Variants in ICA1 observed in about 807,000 individuals in gnomAD.
ICA1 encodes islet cell autoantigen 1.
ICA1 carries 40 observed loss-of-function variants against 71.0 expected under a neutral mutation model. The ratio of observed to expected loss-of-function variants is 0.56; its 90% CI spans 0.44 to 0.73. ICA1 has a LOEUF of 0.73. Among genes scored for constraint, ICA1 ranks in the 30% least tolerant of loss-of-function variants. ICA1 has a pLI of 0.00. For synonymous variants in ICA1, 207 were observed against 209.5 expected, an observed-to-expected ratio of 0.99 and a Z score of 0.10; for missense variants, 578 against 576.5, an observed-to-expected ratio of 1.00 and a Z score of -0.03.
chr7:8,240,653 T>A (rs2128486026), intron 1 of ICA1, among the ~76,000 whole-genome samples: 1 of 152,102 alleles, frequency 6.6e-6, no homozygotes, highest in Non-Finnish European at 1.5e-5. Context: ...GCAAGGAAGC[T>A]AAAAACCTTG....
At chr7:8,183,361 T>C (rs938208716) in intron 6 of ICA1, among the ~76,000 whole-genome samples, 4 of 152,196 alleles carry the variant, frequency 2.6e-5, no homozygotes, top group Non-Finnish European at 4.4e-5. Context: ...TGTGGTCCTA[T>C]CGCAAAGCCT....
intron 8 of ICA1, among the ~76,000 whole-genome samples, chr7:8,148,227 C>T (rs1409332552): frequency 6.6e-6 from 1 of 152,148 alleles, no homozygotes; most frequent in East Asian, 1.9e-4. Context: ...AACGCTGTGA[C>T]AGAAAAGCAC....
At chr7:8,160,924 G>A (rs1803527001) in intron 6 of ICA1, among the ~76,000 whole-genome samples, 2 of 152,210 alleles carry the variant, frequency 1.3e-5, no homozygotes, top group African/African-American at 2.4e-5. Context: ...CTAATTTCTG[G>A]AGGGGAGAAT....
chr7:8,253,734 G>A (rs1327755335), intron 1 of ICA1, among the ~76,000 whole-genome samples: 1 of 152,122 alleles, frequency 6.6e-6, no homozygotes, highest in Non-Finnish European at 1.5e-5. Flanking sequence ...CATGGGTTCT[G>A]CAGGGCTCTG....
At chr7:8,213,801 C>A (rs1276378538) in intron 6 of ICA1, among the ~76,000 whole-genome samples, 1 of 152,172 alleles carries the variant, frequency 6.6e-6, no homozygotes, top group African/African-American at 2.4e-5. Context: ...CTAATAAGGT[C>A]CCACCGAGTA....
intron 1 of ICA1, among the ~76,000 whole-genome samples, chr7:8,239,927 C>A (rs1179909108): frequency 1.3e-5 from 2 of 152,232 alleles, no homozygotes; most frequent in African/African-American, 4.8e-5. Flanking sequence ...CACTGCAGCT[C>A]AGCAAGGCCT....
chr7:8,249,782 A>T (rs1563202688), intron 1 of ICA1, among the ~76,000 whole-genome samples: 1 of 152,236 alleles, frequency 6.6e-6, no homozygotes, highest in Non-Finnish European at 1.5e-5. Flanking sequence ...AATTGTAGTG[A>T]ACTTTTCTTC....
intron 8 of ICA1, among the ~76,000 whole-genome samples, chr7:8,150,307 A>G (rs80184445): frequency 1.1e-3 from 173 of 152,320 alleles, no homozygotes; most frequent in African/African-American, 4.1e-3. Flanking sequence ...GTGCTTCTAC[A>G]CAGTACCAAG....
chr7:8,179,497 T>G (rs1781553411), intron 6 of ICA1, among the ~76,000 whole-genome samples: 1 of 152,222 alleles, frequency 6.6e-6, no homozygotes, highest in Non-Finnish European at 1.5e-5. Context: ...ATTCTCAAAA[T>G]TCGTTTTCAT....
chr7:8,197,731 G>C (rs1280016780), intron 6 of ICA1, among the ~76,000 whole-genome samples: 1 of 151,916 alleles, frequency 6.6e-6, no homozygotes, highest in Non-Finnish European at 1.5e-5. Flanking sequence ...GATGGGAAAA[G>C]AGCTACCACT....
At chr7:8,179,765 C>T (rs887851) in intron 6 of ICA1, among the ~76,000 whole-genome samples, 146,182 of 150,024 alleles carry the variant, frequency 0.97, 71,185 homozygotes, top group East Asian at 1. Context: ...TTTTTTTTTT[C>T]CCACATTTTT....
chr7:8,260,817 A>G (rs1377590210), intron 1 of ICA1, among the ~76,000 whole-genome samples: 1 of 152,198 alleles, frequency 6.6e-6, no homozygotes, highest in Non-Finnish European at 1.5e-5. Context: ...GGGGTATGAA[A>G]TTGCATCGGG....
chr7:8,114,382 T>TTCAGAAA (rs1784119607), intron 13 of ICA1, among the ~76,000 whole-genome samples: 1 of 152,214 alleles, frequency 6.6e-6, no homozygotes, highest in South Asian at 2.1e-4. Context: ...GCATAGTTAT[T>TTCAGAAA]TCAGAAATCA....
At chr7:8,194,045 T>C (rs528232846) in intron 6 of ICA1, among the ~76,000 whole-genome samples, 1 of 152,356 alleles carries the variant, frequency 6.6e-6, no homozygotes, top group South Asian at 2.1e-4. Context: ...ATTATATGGT[T>C]ATCTTCATAG....
chr7:8,207,085 C>T (rs564378328), intron 6 of ICA1, among the ~76,000 whole-genome samples: 1 of 152,290 alleles, frequency 6.6e-6, no homozygotes, highest in Admixed American at 6.5e-5. Context: ...TGAGAAACAT[C>T]CCTCATTTCA....
rs1200857079 is a variant in ICA1 at position 8,158,668 on chromosome 7, G to A, written c.580-16C>T. Reference sequence around the variant, plus strand: ...GTGTTTGTACCTATGAAAATAAAGAGGAATTTCTGAATCACCCTAACCCTT... The same window carrying A: ...GTGTTTGTACCTATGAAAATAAAGAAGAATTTCTGAATCACCCTAACCCTT... On this transcript the variant is annotated splice_polypyrimidine_tract_variant and intron_variant, in intron 6 of 13. Coordinates refer to ENST00000402384, the MANE Select transcript of ICA1 (RefSeq NM_001136020.3). 1.2e-6 allele frequency: 2 copies of A among 1,613,276 alleles called. No homozygotes were observed. Among genetic ancestry groups the A allele is most frequent in the South Asian group, 2.2e-5 (2 of 90,958 alleles).
chr7:8,244,596 G>C (rs1805233021), intron 1 of ICA1, among the ~76,000 whole-genome samples: 1 of 152,154 alleles, frequency 6.6e-6, no homozygotes, highest in Admixed American at 6.5e-5. Flanking sequence ...CACAGCAAAA[G>C]AAACTGCCAT....
Position 8,173,882 on chromosome 7 carries a change from T to C in ICA1, c.580-15230A>G, listed in dbSNP as rs1272258059. On this transcript the variant is annotated intron_variant, in intron 6 of 13. Transcript: ENST00000402384. This position sits in a 1 kb window ranked among gnomAD's most constrained non-coding sequence, Gnocchi z 4.0. ...AGAGAATAAAGCAAAGTCTTTGCTT[T>C]CATGATGGTTATGTTGTAGTGGGTG... 1.3e-5 allele frequency among the ~76,000 whole-genome samples: 2 copies of C among 152,142 alleles called. No individual in the cohort carries two copies. The highest frequency in any genetic ancestry group is 2.9e-5 in the Non-Finnish European group (2 of 68,012).
chr7:8,175,521 G>T (rs902247020), intron 6 of ICA1, among the ~76,000 whole-genome samples: 5 of 145,870 alleles, frequency 3.4e-5, no homozygotes, highest in African/African-American at 8.0e-5. Flanking sequence ...TAAGATAAGG[G>T]TTTTTTTCTT....
Sources: gnomAD v4.1 joint callset for allele counts (sites outside exome capture counted in the v4.1 genomes callset) on GRCh38, gnomAD v4.1.1 for gene constraint, Gnocchi (gnomAD v3.1) non-coding constraint, MANE v1.5 for transcripts, NCBI Gene and HGNC (gene_info 2026-07-23, HGNC 2026-07-21) for gene names.